Variants in MAP3K21 observed in about 807,000 individuals in gnomAD.
MAP3K21 encodes the protein mitogen-activated protein kinase kinase kinase MLK4.
MAP3K21 carries 63 observed loss-of-function variants against 86.1 expected under a neutral mutation model. That is an observed-to-expected ratio of 0.73 (90% CI 0.60 to 0.90). The LOEUF is 0.90. Among genes scored for constraint, MAP3K21 ranks in the 40% least tolerant of loss-of-function variants. MAP3K21 has a pLI of 0.00. For missense variants in MAP3K21, 1,220 were observed against 1,367.7 expected (o/e 0.89, Z 1.70); for synonymous variants, 558 against 564.8 (o/e 0.99, Z 0.17).
chr1:233,334,849 T>C (rs1662882891), intron 1 of MAP3K21, among the ~76,000 whole-genome samples: 1 of 152,178 alleles, frequency 6.6e-6, no homozygotes, highest in Non-Finnish European at 1.5e-5. Flanking sequence ...ATAACTTACT[T>C]AGACATTGGT....
chr1:233,345,755 T>G (rs1663126699), intron 1 of MAP3K21, among the ~76,000 whole-genome samples: 1 of 110,594 alleles, frequency 9.0e-6, no homozygotes, highest in African/African-American at 3.7e-5. Flanking sequence ...ATAATAATAA[T>G]AATAATAAAA....
At chr1:233,356,126 G>C (rs1484307708) in intron 4 of MAP3K21, among the ~76,000 whole-genome samples, 4 of 152,066 alleles carry the variant, frequency 2.6e-5, no homozygotes, top group African/African-American at 7.2e-5. Context: ...TTCATGAATG[G>C]TGGCCCCTCC....
At chr1:233,347,478 C>G (rs1024907545) in intron 2 of MAP3K21, among the ~76,000 whole-genome samples, 4 of 152,118 alleles carry the variant, frequency 2.6e-5, no homozygotes, top group Admixed American at 6.5e-5. Flanking sequence ...AACTTACTTG[C>G]CATTGTTTAG....
chr1:233,369,866 C>T (rs902141901), intron 5 of MAP3K21, among the ~76,000 whole-genome samples: 1 of 152,060 alleles, frequency 6.6e-6, no homozygotes, highest in Admixed American at 6.5e-5. Flanking sequence ...CAGGCTGTGA[C>T]GAGTGAGAGG....
intron 1 of MAP3K21, among the ~76,000 whole-genome samples, chr1:233,344,153 G>A (rs1230926738): frequency 1.3e-5 from 2 of 152,152 alleles, no homozygotes; most frequent in Non-Finnish European, 2.9e-5. Context: ...TGGCCATACT[G>A]CCCAAGGTAA....
intron 1 of MAP3K21, among the ~76,000 whole-genome samples, chr1:233,338,919 A>G (rs576772201): frequency 1.3e-5 from 2 of 152,340 alleles, no homozygotes; most frequent in East Asian, 1.9e-4. Flanking sequence ...ATGAAAAGGT[A>G]TGTAAAGCCC....
chr1:233,367,402 A>G (rs928292908), intron 5 of MAP3K21, among the ~76,000 whole-genome samples: 1 of 152,144 alleles, frequency 6.6e-6, no homozygotes, highest in African/African-American at 2.4e-5. Flanking sequence ...TGATTGAACT[A>G]TAGCTGCTAT....
At chr1:233,354,760 C>T (rs922836065) in intron 3 of MAP3K21, 76 bp from the exon 4 acceptor site, 2 of 886,690 alleles carry the variant, frequency 2.3e-6, no homozygotes, top group African/African-American at 1.9e-5. Context: ...TTGAAATACA[C>T]TTCAGTGTAA....
chr1:233,358,473 GT>G (rs58298146), intron 4 of MAP3K21, among the ~76,000 whole-genome samples: 121 of 141,582 alleles, frequency 8.5e-4, no homozygotes, highest in African/African-American at 1.7e-3. Flanking sequence ...ACTCTAATTT[GT>G]TTTTTTTTTT....
chr1:233,332,688 A>G (rs1256120278), intron 1 of MAP3K21, among the ~76,000 whole-genome samples: 1 of 152,240 alleles, frequency 6.6e-6, no homozygotes, highest in Non-Finnish European at 1.5e-5. Flanking sequence ...AAAATACTGC[A>G]ATATAAGAAT....
In MAP3K21 at chr1:233,379,578, G is replaced by A; in HGVS notation, c.2572G>A (p.Asp858Asn). Residue 858 changes from aspartate (D) to asparagine (N), a missense_variant, in exon 9 of 10, where the codon GAT (aspartate) becomes AAT (asparagine). Asp to Asn is a conservative substitution (Grantham distance 23, BLOSUM62 1). Coordinates refer to ENST00000366624, the MANE Select transcript of MAP3K21 (RefSeq NM_032435.3). ...AGCCCTCATGCCAAGACTTGACACTGATTGTAGTGTATCAAGAAACTTGCC... is the reference window on the plus strand; with the variant it reads ...AGCCCTCATGCCAAGACTTGACACTAATTGTAGTGTATCAAGAAACTTGCC... Reference protein sequence around the residue: ...EPALMPRLDTDCSVSRNLPSS... With the variant: ...EPALMPRLDTNCSVSRNLPSS... 1 of 1,614,184 alleles carries A rather than the reference G, an allele frequency of 6.2e-7. No homozygotes were observed. The highest frequency in any genetic ancestry group is 8.5e-7 in the Non-Finnish European group (1 of 1,180,024).
At chr1:233,329,936 G>C (rs1320994408) in intron 1 of MAP3K21, among the ~76,000 whole-genome samples, 2 of 152,194 alleles carry the variant, frequency 1.3e-5, no homozygotes, top group African/African-American at 4.8e-5. Flanking sequence ...TAGAATTGCT[G>C]TTTGATGTTG....
chr1:233,356,597 T>A (rs1274665712), intron 4 of MAP3K21, among the ~76,000 whole-genome samples: 1 of 152,216 alleles, frequency 6.6e-6, no homozygotes, highest in Non-Finnish European at 1.5e-5. Context: ...CGCTTACAGA[T>A]TCTTCAGAAA....
At chr1:233,366,472 A>C (rs927172574) in intron 5 of MAP3K21, among the ~76,000 whole-genome samples, 7 of 152,214 alleles carry the variant, frequency 4.6e-5, no homozygotes, top group African/African-American at 1.7e-4. Context: ...AAATATGTAT[A>C]ATTTTTATGG....
In MAP3K21 at chr1:233,379,379, C is replaced by G; in HGVS notation, c.2373C>G (p.Pro791=). ...CCTGTGGGGAGGCCAGCAGCCCACC[C>G]TCCCTGCCACTGTCAAGTGCCCTGG... The part of the protein sequence containing the change: ...PSTCGEASSP[P]SLPLSSALGI... Residue 791 remains proline (P), a synonymous_variant, in exon 9 of 10, where the codon CCC becomes CCG. Coordinates refer to ENST00000366624, the MANE Select transcript of MAP3K21 (RefSeq NM_032435.3). 4 of 1,614,246 alleles carry G rather than the reference C, an allele frequency of 2.5e-6. No individual in the cohort carries two copies. Among genetic ancestry groups the G allele is most frequent in the Non-Finnish European group, 3.4e-6 (4 of 1,180,036 alleles).
chr1:233,367,062 T>G (rs1180961370), intron 5 of MAP3K21, among the ~76,000 whole-genome samples: 1 of 152,226 alleles, frequency 6.6e-6, no homozygotes, highest in Admixed American at 6.5e-5. Context: ...CTTCTGTTTA[T>G]GTTTACTTTT....
At chr1:233,364,628 G>GA (rs1663535172) in intron 5 of MAP3K21, among the ~76,000 whole-genome samples, 1 of 152,146 alleles carries the variant, frequency 6.6e-6, no homozygotes, top group South Asian at 2.1e-4. Context: ...CTAATACCCT[G>GA]AGTTTATTCA....
intron 5 of MAP3K21, among the ~76,000 whole-genome samples, chr1:233,367,692 T>C (rs1200305866): frequency 6.6e-6 from 1 of 151,840 alleles, no homozygotes; most frequent in Non-Finnish European, 1.5e-5. Flanking sequence ...AAACCCCATC[T>C]CTATTAAAAG....
intron 3 of MAP3K21, 78 bp downstream of exon 3, chr1:233,354,033 A>T: frequency 7.4e-7 from 1 of 1,343,022 alleles, no homozygotes; most frequent in Non-Finnish European, 9.7e-7. Flanking sequence ...AAACAGAAAA[A>T]GCATTTTCTG....
Sources: allele counts gnomAD v4.1 joint callset (sites outside exome capture counted in the v4.1 genomes callset), GRCh38; gene constraint gnomAD v4.1.1; transcripts MANE v1.5; gene names NCBI Gene and HGNC (gene_info 2026-07-23, HGNC 2026-07-21).